The following PPP6R3 variants were observed in gnomAD, a reference collection of about 807,000 sequenced individuals.
The protein encoded by PPP6R3 is serine/threonine-protein phosphatase 6 regulatory subunit 3.
In PPP6R3, 38 loss-of-function variants were observed where a neutral mutation model predicts 110.7. The observed-to-expected ratio is 0.34, with a 90% CI of 0.26 to 0.45. PPP6R3 has a LOEUF of 0.45. Among genes scored for constraint, PPP6R3 ranks in the 20% least tolerant of loss-of-function variants. PPP6R3 has a pLI of 1.00. For missense variants in PPP6R3, 870 were observed against 1,062.4 expected (o/e 0.82, Z 2.52); for synonymous variants, 369 against 373.5 (o/e 0.99, Z 0.14).
At position 68,488,357 on chromosome 11, in the gene PPP6R3, A is replaced by G. The variant is rs114204455; in HGVS notation, c.-158+27530A>G. 2.0e-3 allele frequency among the ~76,000 whole-genome samples: 303 copies of G among 152,186 alleles called. 1 individual carries two copies. Among genetic ancestry groups the G allele is most frequent in the African/African-American group, 6.9e-3 (287 of 41,526 alleles). On this transcript the variant is annotated intron_variant, in intron 1 of 23. Coordinates refer to ENST00000393800, the MANE Select transcript of PPP6R3 (RefSeq NM_001164161.2). The stretch of plus-strand genomic sequence containing the variant: ...TAATTAAAAAAAATTTCTTTTTTGT[A>G]GAGATGGTGTCTCGCTGTGTTTCCC...
At chr11:68,506,059 G>A (rs917648050) in intron 1 of PPP6R3, among the ~76,000 whole-genome samples, 2 of 150,170 alleles carry the variant, frequency 1.3e-5, no homozygotes, top group Non-Finnish European at 3.0e-5. Flanking sequence ...TTCCCCCCGC[G>A]TTGTAGGTAT....
chr11:68,542,393 T>TTTTTTTTTTTTTTTTTTTTTTTTTG, intron 3 of PPP6R3, among the ~76,000 whole-genome samples: 1 of 99,526 alleles, frequency 1.0e-5, no homozygotes, highest in Non-Finnish European at 2.0e-5. Context: ...GCTGCTGTTT[T>TTTTTTTTTTTTTTTTTTTTTTTTTG]TTTTTTTTTT....
intron 1 of PPP6R3, among the ~76,000 whole-genome samples, chr11:68,475,328 C>T (rs1021447286): frequency 6.6e-6 from 1 of 152,230 alleles, no homozygotes; most frequent in Non-Finnish European, 1.5e-5. Flanking sequence ...TACACAGAGA[C>T]AGCAACAATC....
chr11:68,490,856 C>T (rs1316607757), intron 1 of PPP6R3, among the ~76,000 whole-genome samples: 1 of 152,116 alleles, frequency 6.6e-6, no homozygotes, highest in Non-Finnish European at 1.5e-5. Context: ...TGCTTGTTGT[C>T]TGCCTTTTTC....
chr11:68,568,849 C>T (rs1027520743), intron 10 of PPP6R3, among the ~76,000 whole-genome samples: 1 of 151,734 alleles, frequency 6.6e-6, no homozygotes, highest in Non-Finnish European at 1.5e-5. Context: ...ACTGCAAGCT[C>T]CGCCTCCTGG....
At chr11:68,461,116 C>T (rs915041546) in intron 1 of PPP6R3, among the ~76,000 whole-genome samples, 8 of 150,530 alleles carry the variant, frequency 5.3e-5, no homozygotes, top group East Asian at 3.9e-4. Context: ...ACGTTCGCGG[C>T]CTGGCGCGGC....
In PPP6R3 at chr11:68,602,215, G is replaced by A. The variant is rs147087226; in HGVS notation, c.2299+246G>A. Among the ~76,000 whole-genome samples the A allele has an allele frequency of 7.6e-3, 1,155 of 152,340 alleles. 7 individuals carry two copies. The highest frequency in any genetic ancestry group is 0.014 in the Middle Eastern group (4 of 294). ...AGATTAGGAAACTGAGGTCTAGAGGGAAGAAGGCCTAAGCCCATAGTACCC... is the reference window on the plus strand; with the variant it reads ...AGATTAGGAAACTGAGGTCTAGAGGAAAGAAGGCCTAAGCCCATAGTACCC... On this transcript the variant is annotated intron_variant, in intron 21 of 23. Transcript: ENST00000393800.
chr11:68,571,293 C>T, intron 12 of PPP6R3, 189 bp downstream of exon 12: 1 of 850,146 alleles, frequency 1.2e-6, no homozygotes, highest in Non-Finnish European at 1.7e-6. Context: ...CTTGTTAGGT[C>T]CTCTTGTTTT....
At chr11:68,474,997 A>G (rs942172974) in intron 1 of PPP6R3, among the ~76,000 whole-genome samples, 38 of 151,876 alleles carry the variant, frequency 2.5e-4, no homozygotes, top group African/African-American at 8.9e-4. Flanking sequence ...ACAACAGTGG[A>G]GGGAAGGTCA....
intron 1 of PPP6R3, among the ~76,000 whole-genome samples, chr11:68,469,828 C>A (rs1297029412): frequency 6.6e-6 from 1 of 152,212 alleles, no homozygotes; most frequent in African/African-American, 2.4e-5. Flanking sequence ...CTTTGGCTCC[C>A]TGTGTCCTCG....
intron 21 of PPP6R3, 96 bp from the exon 22 acceptor site, chr11:68,603,246 G>T (rs1343162664): frequency 6.8e-7 from 1 of 1,475,520 alleles, no homozygotes; most frequent in Non-Finnish European, 9.2e-7. Flanking sequence ...TCTTCAAGCA[G>T]TAGATGTCAC....
intron 1 of PPP6R3, among the ~76,000 whole-genome samples, chr11:68,509,993 TCCACCTGATTTG>T (rs1212098218): frequency 3.3e-5 from 5 of 149,760 alleles, no homozygotes; most frequent in Non-Finnish European, 7.4e-5. Flanking sequence ...CCTGAGGTGA[TCCACCTGATTTG>T]GCACCTCCCA....
At chr11:68,516,914 G>A (rs1283454098) in intron 1 of PPP6R3, among the ~76,000 whole-genome samples, 2 of 151,568 alleles carry the variant, frequency 1.3e-5, no homozygotes, top group Non-Finnish European at 2.9e-5. Context: ...TGGATGTGAT[G>A]TGTTACTTCA....
chr11:68,544,763 C>T (rs986440661), intron 3 of PPP6R3, 75 bp from the exon 4 acceptor site: 3 of 1,029,976 alleles, frequency 2.9e-6, no homozygotes, highest in African/African-American at 3.3e-5. Flanking sequence ...CTTGGGAAGC[C>T]TTTCTGATTT....
intron 1 of PPP6R3, among the ~76,000 whole-genome samples, chr11:68,471,141 C>T (rs892307510): frequency 8.6e-5 from 13 of 151,700 alleles, no homozygotes; most frequent in African/African-American, 2.4e-4. Context: ...AAAAATTAGC[C>T]GGCTTAGTGG....
intron 2 of PPP6R3, among the ~76,000 whole-genome samples, chr11:68,536,202 A>C (rs1415706631): frequency 6.6e-6 from 1 of 151,950 alleles, no homozygotes; most frequent in Non-Finnish European, 1.5e-5. Context: ...TTTTTGAGGC[A>C]GATGTTCATA....
intron 1 of PPP6R3, among the ~76,000 whole-genome samples, chr11:68,482,980 C>G (rs73516865): frequency 0.013 from 1,998 of 152,206 alleles, 42 homozygotes; most frequent in African/African-American, 0.046. Context: ...ACTTTATAGC[C>G]ATTTCCCATA....
chr11:68,536,764 A>T (rs190362297), intron 2 of PPP6R3, among the ~76,000 whole-genome samples: 2 of 152,214 alleles, frequency 1.3e-5, no homozygotes, highest in African/African-American at 2.4e-5. Flanking sequence ...ACAGAGAGTC[A>T]GTATGTATTA....
intron 1 of PPP6R3, among the ~76,000 whole-genome samples, chr11:68,473,997 C>T (rs576515511): frequency 1.4e-5 from 2 of 147,766 alleles, no homozygotes; most frequent in East Asian, 4.0e-4. Flanking sequence ...TGATGAGTGT[C>T]TTTTTACATA....
Sources: gnomAD v4.1 joint callset for allele counts (sites outside exome capture counted in the v4.1 genomes callset) on GRCh38, gnomAD v4.1.1 for gene constraint, MANE v1.5 for transcripts, NCBI Gene and HGNC (gene_info 2026-07-23, HGNC 2026-07-21) for gene names.